The following NBEA variants were observed in gnomAD, a reference collection of about 807,000 sequenced individuals.
NBEA encodes neurobeachin, also known as lysosomal-trafficking regulator 2.
NBEA carries 44 observed loss-of-function variants against 343.4 expected under a neutral mutation model. The observed-to-expected ratio is 0.13, with a 90% CI of 0.10 to 0.16. The LOEUF is 0.16. Ranked by LOEUF, NBEA falls within the 10% of genes least tolerant of loss-of-function variation. The pLI, the probability that NBEA is intolerant of heterozygous loss-of-function variation, is 1.00. For synonymous variants in NBEA, 1,175 were observed against 1,238.7 expected, an observed-to-expected ratio of 0.95 and a Z score of 1.08; for missense variants, 2,555 against 3,631.3, an observed-to-expected ratio of 0.70 and a Z score of 7.62.
At chr13:35,032,324 T>C (rs2062258440) in intron 1 of NBEA, among the ~76,000 whole-genome samples, 1 of 151,892 alleles carries the variant, frequency 6.6e-6, no homozygotes, top group African/African-American at 2.4e-5. Context: ...TATTTTTGAC[T>C]TTTTAATAAT....
At chr13:35,143,515 G>A (rs972509494) in intron 18 of NBEA, among the ~76,000 whole-genome samples, 4 of 152,114 alleles carry the variant, frequency 2.6e-5, no homozygotes, top group Non-Finnish European at 4.4e-5. Flanking sequence ...AAGGCCTTGC[G>A]TCTGTTATAC....
chr13:35,382,242 TCTTTATCC>T (rs1477601302), intron 38 of NBEA, among the ~76,000 whole-genome samples: 3 of 152,290 alleles, frequency 2.0e-5, no homozygotes, highest in Admixed American at 6.5e-5. Flanking sequence ...CTTCATGATG[TCTTTATCC>T]CTTTAGCCCA....
intron 34 of NBEA, among the ~76,000 whole-genome samples, chr13:35,260,826 C>T (rs1593980044): frequency 6.6e-6 from 1 of 152,218 alleles, no homozygotes; most frequent in South Asian, 2.1e-4. Context: ...TAATTGATTT[C>T]CTGGGACAGA....
At chr13:35,043,872 A>G (rs2152559926) in intron 2 of NBEA, among the ~76,000 whole-genome samples, 1 of 151,892 alleles carries the variant, frequency 6.6e-6, no homozygotes, top group African/African-American at 2.4e-5. Flanking sequence ...CCCTAACCTA[A>G]CCTTTTTATT....
At chr13:34,976,379 A>G (rs1034685795) in intron 1 of NBEA, among the ~76,000 whole-genome samples, 2 of 152,142 alleles carry the variant, frequency 1.3e-5, no homozygotes, top group African/African-American at 4.8e-5. Flanking sequence ...CTACGAGGAC[A>G]CAAAGGCCTA....
chr13:35,395,694 C>T (rs1371850814), intron 38 of NBEA, among the ~76,000 whole-genome samples: 1 of 152,146 alleles, frequency 6.6e-6, no homozygotes, highest in East Asian at 1.9e-4. Flanking sequence ...TGTTTCTTTA[C>T]TAATATGTTT....
chr13:35,014,145 C>CT (rs148045103), intron 1 of NBEA, among the ~76,000 whole-genome samples: 46,249 of 151,334 alleles, frequency 0.31, 7,783 homozygotes, highest in Middle Eastern at 0.51. Context: ...AGCAAAAAAA[C>CT]TTTTTTTTTA....
intron 31 of NBEA, among the ~76,000 whole-genome samples, chr13:35,198,375 GA>G (rs2072775560): frequency 6.6e-6 from 1 of 152,024 alleles, no homozygotes; most frequent in African/African-American, 2.4e-5. Flanking sequence ...AATAAATACA[GA>G]TGATTATTGT....
In NBEA at chr13:35,054,868, T is replaced by A. The variant is rs191013707; in HGVS notation, c.973-1142T>A. 3.6e-3 allele frequency among the ~76,000 whole-genome samples: 552 copies of A among 152,170 alleles called. 2 individuals carry two copies. Among genetic ancestry groups the A allele is most frequent in the Admixed American group, 6.0e-3 (91 of 15,270 alleles). On this transcript the variant is annotated intron_variant, in intron 6 of 58. Coordinates refer to ENST00000379939, the MANE Select transcript of NBEA (RefSeq NM_001385012.1). ...CATGTTGGCCAGCCTGGTCTCGAAC[T>A]TCTGACGTCAGTTGATCTGCCCACC... is the stretch of plus-strand genomic sequence containing the variant.
intron 10 of NBEA, among the ~76,000 whole-genome samples, chr13:35,072,367 C>A (rs1257593801): frequency 6.6e-6 from 1 of 152,014 alleles, no homozygotes; most frequent in Non-Finnish European, 1.5e-5. Flanking sequence ...CTTCAAAACT[C>A]ATTTAATATT....
intron 33 of NBEA, among the ~76,000 whole-genome samples, chr13:35,218,443 C>T (rs550711510): frequency 2.0e-5 from 3 of 152,024 alleles, no homozygotes; most frequent in East Asian, 3.9e-4. Flanking sequence ...CTGTCATCCA[C>T]GAATAATGGG....
At chr13:35,126,248 C>A (rs1157961812) in intron 17 of NBEA, among the ~76,000 whole-genome samples, 2 of 152,126 alleles carry the variant, frequency 1.3e-5, no homozygotes, top group Admixed American at 1.3e-4. Context: ...GTGCCTACTT[C>A]TCCTTGCCTT....
chr13:35,403,498 AT>A (rs1427177270), intron 38 of NBEA, among the ~76,000 whole-genome samples: 1 of 152,104 alleles, frequency 6.6e-6, no homozygotes, highest in African/African-American at 2.4e-5. Context: ...AAAACAAGCA[AT>A]GGGGAAAGGA....
intron 34 of NBEA, among the ~76,000 whole-genome samples, chr13:35,274,159 T>C (rs913842315): frequency 7.2e-5 from 11 of 152,148 alleles, no homozygotes; most frequent in Non-Finnish European, 1.0e-4. Context: ...AAAAAGCTTT[T>C]CCACCATGGT....
chr13:35,078,799 G>A (rs553645560), intron 10 of NBEA, among the ~76,000 whole-genome samples: 104 of 152,196 alleles, frequency 6.8e-4, no homozygotes, highest in African/African-American at 2.4e-3. Flanking sequence ...CCAGGCGGGC[G>A]GATCACGAGG....
At chr13:35,460,277 A>C (rs891829576) in intron 40 of NBEA, among the ~76,000 whole-genome samples, 1 of 152,164 alleles carries the variant, frequency 6.6e-6, no homozygotes, top group Admixed American at 6.5e-5. Context: ...AGTGAAAGCT[A>C]TTTGATGTTC....
Position 35,486,215 on chromosome 13 carries a change from G to A in NBEA, c.6585+13679G>A, listed in dbSNP as rs2152970143. Reference sequence around the variant, plus strand: ...TTGTTGCTAATGATTGTTTTCTCTGGGTATTTTCAAATATGATCTTTTAAG... The same window carrying A: ...TTGTTGCTAATGATTGTTTTCTCTGAGTATTTTCAAATATGATCTTTTAAG... On this transcript the variant is annotated intron_variant, in intron 41 of 58. Transcript: ENST00000379939. 2.0e-5 allele frequency among the ~76,000 whole-genome samples: 3 copies of A among 151,682 alleles called. No homozygotes were observed. The Middle Eastern group carries it at 0.01, about 523-fold the overall frequency.
chr13:35,377,588 T>G (rs2041811124), intron 38 of NBEA, among the ~76,000 whole-genome samples: 1 of 152,184 alleles, frequency 6.6e-6, no homozygotes, highest in South Asian at 2.1e-4. Context: ...CTTGTTAAGT[T>G]TACCTGTTCC....
At chr13:35,231,013 G>A (rs2152769444) in intron 33 of NBEA, among the ~76,000 whole-genome samples, 1 of 152,162 alleles carries the variant, frequency 6.6e-6, no homozygotes, top group African/African-American at 2.4e-5. Context: ...CAGAGTAGGG[G>A]AGACTATTGA....
Sources: gnomAD v4.1 joint callset for allele counts (sites outside exome capture counted in the v4.1 genomes callset) on GRCh38, gnomAD v4.1.1 for gene constraint, MANE v1.5 for transcripts, NCBI Gene and HGNC (gene_info 2026-07-23, HGNC 2026-07-21) for gene names.